Variants in FARP2 observed in about 807,000 individuals in gnomAD.
FARP2 encodes the protein FERM, ARHGEF and pleckstrin domain-containing protein 2.
A neutral mutation model predicts 130.5 loss-of-function variants in FARP2; 111 were observed. That is an observed-to-expected ratio of 0.85 (90% CI 0.73 to 1.00). The LOEUF is 1.00. Ranked by LOEUF, FARP2 falls within the 50% of genes least tolerant of loss-of-function variation. The pLI is 0.00. For missense variants in FARP2, 1,385 were observed against 1,346.3 expected (o/e 1.03, Z -0.45); for synonymous variants, 504 against 516.9 (o/e 0.98, Z 0.34).
chr2:241,421,545 C>T (rs1031932415), intron 8 of FARP2, among the ~76,000 whole-genome samples: 24 of 152,316 alleles, frequency 1.6e-4, no homozygotes, highest in African/African-American at 5.5e-4. Context: ...GCCATTTTAG[C>T]CTGCTGGCTT....
rs766220887 is a variant in FARP2, at chr2:241,411,053, T to C, written c.431T>C (p.Leu144Pro). 1 of 1,611,060 alleles carries C rather than the reference T, an allele frequency of 6.2e-7. No individual in the cohort carries two copies. Among genetic ancestry groups the C allele is most frequent in the Admixed American group, 1.7e-5 (1 of 59,722 alleles). ...EYTRYLFALQ[L>P]KRDLLEERLT... Reference sequence around the variant, plus strand: ...TCTAGATACTTGTTTGCCTTGCAACTTAAGAGAGACCTGCTGGAAGAGCGT... The same window carrying C: ...TCTAGATACTTGTTTGCCTTGCAACCTAAGAGAGACCTGCTGGAAGAGCGT... The change falls in exon 6 of 27, where the codon CTT (leucine) becomes CCT (proline). Residue 144 changes from leucine to proline, a missense_variant. Leu to Pro is a moderately conservative substitution (Grantham distance 98). Coordinates refer to ENST00000264042, the MANE Select transcript of FARP2 (RefSeq NM_014808.4).
chr2:241,460,184 G>T (rs2063977410), intron 14 of FARP2, among the ~76,000 whole-genome samples: 1 of 152,188 alleles, frequency 6.6e-6, no homozygotes, highest in South Asian at 2.1e-4. Flanking sequence ...AGCTGTGTGG[G>T]GAAGGCTGGG....
chr2:241,484,871 T>C (rs1375154066), intron 21 of FARP2, among the ~76,000 whole-genome samples: 1 of 152,174 alleles, frequency 6.6e-6, no homozygotes, highest in Non-Finnish European at 1.5e-5. Flanking sequence ...TATGTCCACT[T>C]GCCCTGAGCG....
rs544319482 is a variant in FARP2 at position 241,356,324 on chromosome 2, C to G, written c.-89C>G. 6.6e-6 allele frequency: 1 copy of G among 152,320 alleles called. No individual in the cohort carries two copies. The highest frequency in any genetic ancestry group is 1.5e-5 in the Non-Finnish European group (1 of 68,076). 9.4% of individuals were successfully genotyped at this position (152,320 alleles called of 1,614,324 possible). On this transcript the variant is annotated 5_prime_UTR_variant, in exon 1 of 27. Transcript: ENST00000264042. ...GACGCCGACGCGAGTCTGGCGGCTG[C>G]TGCTTGCGACTGCGGAGGCCGGGCG...
rs777734336 is a variant in FARP2 at position 241,468,392 on chromosome 2, G to A, written c.2131+15G>A. On this transcript the variant is annotated intron_variant, in intron 18 of 26. Transcript: ENST00000264042. ...TGACTGCCATGGTGAGTGTGGGTGCGGCCCTGCATCTCAAGGATCAGCGTG... is the reference window on the plus strand; with the variant it reads ...TGACTGCCATGGTGAGTGTGGGTGCAGCCCTGCATCTCAAGGATCAGCGTG... 43 of 1,590,412 alleles carry A rather than the reference G, an allele frequency of 2.7e-5. No individual in the cohort carries two copies. The highest frequency in any genetic ancestry group is 6.7e-5 in the African/African-American group (5 of 74,478).
intron 18 of FARP2, among the ~76,000 whole-genome samples, chr2:241,474,804 T>TAAA (rs1156301595): frequency 9.5e-6 from 1 of 104,810 alleles, no homozygotes; most frequent in African/African-American, 3.4e-5. Flanking sequence ...ATAATAATAA[T>TAAA]AAATAAATAA....
chr2:241,484,311 C>T lies in FARP2; in HGVS notation c.2401C>T (p.Leu801Phe), dbSNP rs1265901231. 1.9e-6 allele frequency: 3 copies of T among 1,614,132 alleles called. No homozygotes were observed. The highest frequency in any genetic ancestry group is 8.5e-7 in the Non-Finnish European group (1 of 1,179,962). Residue 801 changes from leucine (L) to phenylalanine (F), a missense_variant, in exon 21 of 27, where the codon CTT becomes TTT. Physicochemically the swap from Leu to Phe is conservative, Grantham distance 22. Transcript: ENST00000264042. Reference protein sequence around the residue: ...GTSHFRIRGLLPLQGMLVEES... With the variant: ...GTSHFRIRGLFPLQGMLVEES... The stretch of plus-strand genomic sequence containing the variant: ...CAGCCACTTCCGGATCCGGGGCCTC[C>T]TTCCCCTCCAAGGCATGCTGGTGAG...
chr2:241,413,155 G>T, intron 6 of FARP2, 152 bp from the exon 7 acceptor site: 1 of 558,506 alleles, frequency 1.8e-6, no homozygotes, highest in Non-Finnish European at 3.2e-6. Context: ...AAAATATTTG[G>T]AAAAATTAAA....
At position 241,475,740 on chromosome 2, in the gene FARP2, A is replaced by G; in HGVS notation, c.2132-117A>G. 3 of 885,376 alleles carry G rather than the reference A, an allele frequency of 3.4e-6. No individual in the cohort carries two copies. In the South Asian group the frequency reaches 8.4e-5, roughly 25 times the overall value. The allele number at this position is 885,376 out of a possible 1,614,324, so 54.8% of individuals were successfully genotyped here. A position where few individuals can be genotyped will look rare whatever the true frequency, so the allele number is the denominator to read the frequency against. ...CCGCTGCTATAAGGAGTCGAGTAGG[A>G]TGTACCTCTAATTAGAACTGCCTTT... On this transcript the variant is annotated intron_variant, in intron 18 of 26. Coordinates refer to ENST00000264042, the MANE Select transcript of FARP2 (RefSeq NM_014808.4). The surrounding 1 kb of genome is among the most constrained non-coding windows in gnomAD (Gnocchi z 4.4).
intron 2 of FARP2, among the ~76,000 whole-genome samples, chr2:241,391,466 C>T (rs907400080): frequency 6.6e-6 from 1 of 152,160 alleles, no homozygotes; most frequent in South Asian, 2.1e-4. Flanking sequence ...TGTTCTACAT[C>T]ACCTGCTTTT....
Position 241,456,760 on chromosome 2 carries a change from G to C in FARP2, c.1425G>C (p.Lys475Asn), listed in dbSNP as rs149565694. ...GTTCATTTCCAGGCCTTTCCACGAA[G>C]AGTCCTCAGCCTTCTCCCTCCAGCC... is the stretch of plus-strand genomic sequence containing the variant. ...ALQPGPGLST[K>N]SPQPSPSSRK... The change falls in exon 14 of 27, where the codon AAG becomes AAC. Residue 475 changes from lysine (K) to asparagine (N), a missense_variant. Coordinates refer to ENST00000264042, the MANE Select transcript of FARP2 (RefSeq NM_014808.4). The C allele has an allele frequency of 1.9e-6, 3 of 1,613,948 alleles. No homozygotes were observed. The highest frequency in any genetic ancestry group is 1.7e-5 in the Admixed American group (1 of 59,990).
At chr2:241,490,278 G>C (rs1228447582) in intron 22 of FARP2, among the ~76,000 whole-genome samples, 1 of 152,220 alleles carries the variant, frequency 6.6e-6, no homozygotes, top group Non-Finnish European at 1.5e-5. Context: ...GCAGGCCCCA[G>C]TGCTGTGGAG....
At position 241,456,718 on chromosome 2, in the gene FARP2, G is replaced by A. The variant is rs761176959; in HGVS notation, c.1412-29G>A. The A allele has an allele frequency of 7.4e-6, 12 of 1,612,544 alleles. No homozygotes were observed. The South Asian group carries it at 8.8e-5, about 12-fold the overall frequency. On this transcript the variant is annotated intron_variant, in intron 13 of 26. Transcript: ENST00000264042. ...GCCTCACAGCCCTTTCTCATTTCTC[G>A]CTCCATCCCCCTCCCCGTTCATTTC...
chr2:241,483,373 G>A lies in FARP2; in HGVS notation c.2263-92G>A, dbSNP rs113605481. 1.4e-3 allele frequency: 1,453 copies of A among 1,056,190 alleles called. 19 individuals are homozygous for A. The African/African-American group carries it at 0.019, about 14-fold the overall frequency. The allele number at this position is 1,056,190 out of a possible 1,614,324, so 65.4% of individuals were successfully genotyped here. A position where few individuals can be genotyped will look rare whatever the true frequency, so the allele number is the denominator to read the frequency against. On this transcript the variant is annotated intron_variant, in intron 19 of 26. Transcript: ENST00000264042. ...TGGGAGGAGCCAGAGGAGCACAAGCGGCCACAAGGCTATTCCTGACCCTCA... is the reference window on the plus strand; with the variant it reads ...TGGGAGGAGCCAGAGGAGCACAAGCAGCCACAAGGCTATTCCTGACCCTCA...
In FARP2 at chr2:241,418,098, C is replaced by T. The variant is rs571522756; in HGVS notation, c.760C>T (p.Leu254Phe). 55 of 1,614,176 alleles carry T rather than the reference C, an allele frequency of 3.4e-5. No homozygotes were observed. In the East Asian group the frequency reaches 1.2e-3, roughly 34 times the overall value. ...ACTGGCAGTTTCCCACATGGGTGTA[C>T]TCGTGTTCCAGGTAGGCCAGTGGGG... is the stretch of plus-strand genomic sequence containing the variant. ...IQLAVSHMGV[L>F]VFQGTTKINT... Residue 254 changes from leucine (L) to phenylalanine (F), a missense_variant, in exon 8 of 27, where the codon CTC becomes TTC. By Grantham distance (22) the Leu-to-Phe change is conservative. Transcript: ENST00000264042.
At chr2:241,393,484 C>G (rs947717228) in intron 2 of FARP2, among the ~76,000 whole-genome samples, 27 of 151,886 alleles carry the variant, frequency 1.8e-4, no homozygotes, top group Non-Finnish European at 2.9e-5. Context: ...TTTGAGCGCT[C>G]AAGATTATTT....
At chr2:241,436,336 C>A (rs1574822046) in intron 11 of FARP2, 145 bp from the exon 12 acceptor site, 1 of 684,902 alleles carries the variant, frequency 1.5e-6, no homozygotes, top group East Asian at 2.6e-5. Context: ...GTTTTCCATT[C>A]TCCTGCCCCT....
At chr2:241,400,043 G>T (rs2062127968) in intron 2 of FARP2, among the ~76,000 whole-genome samples, 1 of 152,180 alleles carries the variant, frequency 6.6e-6, no homozygotes, top group African/African-American at 2.4e-5. Flanking sequence ...GGACATTGCT[G>T]GTTAACAGGT....
At chr2:241,465,617 T>C in intron 17 of FARP2, 1 of 1,550,740 alleles carries the variant, frequency 6.4e-7, no homozygotes, top group Non-Finnish European at 8.7e-7. Context: ...GTGCATTGAC[T>C]GTTCAGGGGT....
Sources: allele counts gnomAD v4.1 joint callset (sites outside exome capture counted in the v4.1 genomes callset), GRCh38; gene constraint gnomAD v4.1.1; non-coding constraint Gnocchi (gnomAD v3.1); transcripts MANE v1.5; gene names NCBI Gene and HGNC (gene_info 2026-07-23, HGNC 2026-07-21).